The following FIP1L1 variants were observed in gnomAD, a reference collection of about 807,000 sequenced individuals.
FIP1L1 encodes pre-mRNA 3'-end-processing factor FIP1.
In FIP1L1, 21 loss-of-function variants were observed where a neutral mutation model predicts 84.6. That is an observed-to-expected ratio of 0.25 (90% CI 0.18 to 0.36). FIP1L1 has a LOEUF of 0.36. FIP1L1 is among the 10% of genes least tolerant of loss of function. The probability of loss-of-function intolerance (pLI) is 1.00; values close to 1 mark genes in which losing one functional copy is unlikely to be tolerated. For synonymous variants in FIP1L1, 263 were observed against 242.3 expected (o/e 1.09, Z -0.80); for missense variants, 526 against 751.1 (o/e 0.70, Z 3.50).
At chr4:53,458,399 A>G (rs1720624239) in intron 16 of FIP1L1, among the ~76,000 whole-genome samples, 1 of 152,300 alleles carries the variant, frequency 6.6e-6, no homozygotes, top group South Asian at 2.1e-4. Flanking sequence ...TTTAACAGCT[A>G]TGAAAGCACA....
Position 53,399,813 on chromosome 4 carries a change from G to C in FIP1L1, c.789G>C (p.Leu263Phe), listed in dbSNP as rs1369784368. Reference sequence around the variant, plus strand: ...CTGAGTTTACTTCTCCTCCTTCTTTGTTCAAGACTGGGCTTCCACCGAGCA... The same window carrying C: ...CTGAGTTTACTTCTCCTCCTTCTTTCTTCAAGACTGGGCTTCCACCGAGCA... Reference protein sequence around the residue: ...TKAEFTSPPSLFKTGLPPSRN... With the variant: ...TKAEFTSPPSFFKTGLPPSRN... Residue 263 changes from leucine to phenylalanine, a missense_variant, in exon 10 of 18, where the codon TTG (leucine) becomes TTC (phenylalanine). Physicochemically the swap from Leu to Phe is conservative, Grantham distance 22. Coordinates refer to ENST00000337488, the MANE Select transcript of FIP1L1 (RefSeq NM_030917.4). 1 of 1,611,780 alleles carries C rather than the reference G, an allele frequency of 6.2e-7. No homozygotes were observed. The highest frequency in any genetic ancestry group is 1.3e-5 in the African/African-American group (1 of 74,462).
intron 11 of FIP1L1, among the ~76,000 whole-genome samples, chr4:53,416,180 T>TA (rs1393325825): frequency 6.6e-6 from 1 of 152,218 alleles, no homozygotes; most frequent in African/African-American, 2.4e-5. Flanking sequence ...ATGTAACAAC[T>TA]AACTCAATTA....
At position 53,459,302 on chromosome 4, in the gene FIP1L1, T is replaced by C. The variant is rs1444267682; in HGVS notation, c.1638T>C (p.Ser546=). Reference sequence around the variant, plus strand: ...CTTTTTTTTTTTTTTTTTTTTCCAGTAATAGTAGACGTCGCCATGAAAGTG... The same window carrying C: ...CTTTTTTTTTTTTTTTTTTTTCCAGCAATAGTAGACGTCGCCATGAAAGTG... The part of the protein sequence containing the change: ...KEETRHKSSR[S]NSRRRHESEE... The change falls in exon 18 of 18, where the codon AGT becomes AGC. Residue 546 remains serine, a splice_region_variant and synonymous_variant. Transcript: ENST00000337488. 1 of 1,308,540 alleles carries C rather than the reference T, an allele frequency of 7.6e-7. No homozygotes were observed. The highest frequency in any genetic ancestry group is 2.3e-5 in the Admixed American group (1 of 44,026). The allele number at this position is 1,308,540 out of a possible 1,614,324, so 81.1% of individuals were successfully genotyped here.
rs1342173416 is a variant in FIP1L1 at position 53,453,267 on chromosome 4, A to T, written c.1499+134A>T. On this transcript the variant is annotated intron_variant, in intron 16 of 17. Coordinates refer to ENST00000337488, the MANE Select transcript of FIP1L1 (RefSeq NM_030917.4). Reference sequence around the variant, plus strand: ...GAGTACATAGGAAAGCCATCTTAAAATGATAAAGGATTAGAGGCTTCCCAT... The same window carrying T: ...GAGTACATAGGAAAGCCATCTTAAATTGATAAAGGATTAGAGGCTTCCCAT... 5 of 958,360 alleles carry T rather than the reference A, an allele frequency of 5.2e-6. No homozygotes were observed. The African/African-American group carries it at 6.6e-5, about 13-fold the overall frequency. 59.4% of individuals were successfully genotyped at this position (958,360 alleles called of 1,614,324 possible).
chr4:53,413,957 T>TA (rs1340845160), intron 10 of FIP1L1, among the ~76,000 whole-genome samples: 1 of 152,160 alleles, frequency 6.6e-6, no homozygotes, highest in Non-Finnish European at 1.5e-5. Flanking sequence ...TCTTTTTACA[T>TA]AAACAAGCAG....
chr4:53,444,256 G>C (rs553437339), intron 15 of FIP1L1, among the ~76,000 whole-genome samples, 153 bp downstream of exon 15: 1 of 152,292 alleles, frequency 6.6e-6, no homozygotes, highest in Non-Finnish European at 1.5e-5. Context: ...TATCTGCCAG[G>C]TTAGCAAACA....
In FIP1L1 at chr4:53,377,904, G is replaced by C; in HGVS notation, c.66G>C (p.Glu22Asp). The C allele has an allele frequency of 6.3e-7, 1 of 1,599,454 alleles. No homozygotes were observed. The highest frequency in any genetic ancestry group is 1.1e-5 in the South Asian group (1 of 88,732). The stretch of plus-strand genomic sequence containing the variant: ...GCGGCGGGACCGGAGGGGATGAGGA[G>C]GAAGAGTGGCTCTATGGCGGTACGA... ...ELSGGTGGDE[E>D]EEWLYGGPWD... The change falls in exon 1 of 18, where the codon GAG becomes GAC. Residue 22 changes from glutamate to aspartate, a missense_variant. Glu to Asp is a conservative substitution (Grantham distance 45). Coordinates refer to ENST00000337488, the MANE Select transcript of FIP1L1 (RefSeq NM_030917.4).
intron 13 of FIP1L1, among the ~76,000 whole-genome samples, chr4:53,436,645 TG>T (rs984962115): frequency 1.3e-5 from 2 of 152,216 alleles, no homozygotes; most frequent in Admixed American, 6.5e-5. Flanking sequence ...GAAGCTATTT[TG>T]CCTTAGTTAT....
At chr4:53,391,845 CTT>C (rs1435566696) in intron 9 of FIP1L1, among the ~76,000 whole-genome samples, 1 of 152,158 alleles carries the variant, frequency 6.6e-6, no homozygotes, top group Non-Finnish European at 1.5e-5. Flanking sequence ...GAATTGGAAA[CTT>C]TTTTGTTCTC....
chr4:53,425,294 T>C lies in FIP1L1; in HGVS notation c.924-578T>C, dbSNP rs145863313. ...CTATTTTTCCATATCCTTATAAACT[T>C]TAAAAAGATTGTAGAGGTGAGGCGG... On this transcript the variant is annotated intron_variant, in intron 11 of 17. Transcript: ENST00000337488. 5.0e-3 allele frequency among the ~76,000 whole-genome samples: 763 copies of C among 152,224 alleles called. 2 individuals carry two copies. The highest frequency in any genetic ancestry group is 8.2e-3 in the Non-Finnish European group (559 of 67,954).
chr4:53,408,427 A>G (rs1755056557), intron 10 of FIP1L1, among the ~76,000 whole-genome samples: 1 of 151,826 alleles, frequency 6.6e-6, no homozygotes, highest in Non-Finnish European at 1.5e-5. Flanking sequence ...TGCCCTGAAC[A>G]TTTTTTCCTT....
intron 13 of FIP1L1, among the ~76,000 whole-genome samples, chr4:53,429,135 G>GC (rs1765507148): frequency 1.3e-5 from 2 of 152,136 alleles, no homozygotes; most frequent in African/African-American, 4.8e-5. Context: ...CTAAATGTCA[G>GC]CCACTGCTTC....
chr4:53,390,964 A>T (rs10517296), intron 7 of FIP1L1, 45 bp from the exon 8 acceptor site: 238,880 of 1,490,352 alleles, frequency 0.16, 20,069 homozygotes, highest in Admixed American at 0.23. Context: ...CTGCATAAAA[A>T]TAGAGCTGAA....
intron 10 of FIP1L1, among the ~76,000 whole-genome samples, chr4:53,407,465 G>T (rs894777511): frequency 6.6e-6 from 1 of 152,066 alleles, no homozygotes; most frequent in East Asian, 1.9e-4. Flanking sequence ...GTGGTGTGGT[G>T]CTGAAAAAAA....
intron 11 of FIP1L1, among the ~76,000 whole-genome samples, chr4:53,419,444 T>C (rs1196340647): frequency 6.6e-5 from 10 of 152,086 alleles, no homozygotes; most frequent in African/African-American, 2.4e-4. Context: ...ATATGTACTT[T>C]ACTTTTTATT....
chr4:53,443,804 T>C (rs1773017668), intron 14 of FIP1L1, among the ~76,000 whole-genome samples: 1 of 152,122 alleles, frequency 6.6e-6, no homozygotes, highest in South Asian at 2.1e-4. Flanking sequence ...CAAGCTAAGT[T>C]GATTGGATTA....
chr4:53,443,766 G>A (rs1429026244), intron 14 of FIP1L1, among the ~76,000 whole-genome samples: 1 of 151,932 alleles, frequency 6.6e-6, no homozygotes, highest in Admixed American at 6.6e-5. Flanking sequence ...CTGATAGCCT[G>A]AAATTTTCTA....
intron 13 of FIP1L1, among the ~76,000 whole-genome samples, chr4:53,437,326 CAAAAAAAAAAAAAAAAA>C (rs55957570): frequency 1.6e-5 from 1 of 64,512 alleles, no homozygotes; most frequent in Non-Finnish European, 2.8e-5. Context: ...CTGTCTCAAC[CAAAAAAAAAAAAAAAAA>C]AAAAAAAAAA....
At position 53,442,674 on chromosome 4, in the gene FIP1L1, C is replaced by G; in HGVS notation, c.1196C>G (p.Ala399Gly). ...TCAGGTTTTCCTCCTCCACCAGGCG[C>G]TCCACCTCCATCTCTTATACCAACA... ...PPPGFPPPPG[A>G]PPPSLIPTIE... The change falls in exon 14 of 18, where the codon GCT (alanine) becomes GGT (glycine). Residue 399 changes from alanine to glycine, a missense_variant. Transcript: ENST00000337488. 6.2e-7 allele frequency: 1 copy of G among 1,606,300 alleles called. No homozygotes were observed. The highest frequency in any genetic ancestry group is 1.1e-5 in the South Asian group (1 of 90,842).
Sources: allele counts gnomAD v4.1 joint callset (sites outside exome capture counted in the v4.1 genomes callset), GRCh38; gene constraint gnomAD v4.1.1; transcripts MANE v1.5; gene names NCBI Gene and HGNC (gene_info 2026-07-23, HGNC 2026-07-21).